Variants in FUT9 observed in about 807,000 individuals in gnomAD.
FUT9 encodes fucosyltransferase 9, also known as 4-galactosyl-N-acetylglucosaminide 3-alpha-L-fucosyltransferase 9.
In FUT9, 15 loss-of-function variants were observed where a neutral mutation model predicts 29.7. The observed-to-expected ratio is 0.51, with a 90% CI of 0.34 to 0.78. The LOEUF (loss-of-function observed/expected upper bound fraction) is 0.78. Among genes scored for constraint, FUT9 ranks in the 30% least tolerant of loss-of-function variants. The probability of loss-of-function intolerance (pLI) is 0.01; values close to 1 mark genes in which losing one functional copy is unlikely to be tolerated. For missense variants in FUT9, 319 were observed against 425.4 expected (o/e 0.75, Z 2.20); for synonymous variants, 169 against 153.7 (o/e 1.10, Z -0.74).
At chr6:96,106,025 C>A (rs1340382516) in intron 1 of FUT9, among the ~76,000 whole-genome samples, 3 of 152,082 alleles carry the variant, frequency 2.0e-5, no homozygotes, top group Non-Finnish European at 4.4e-5. Flanking sequence ...ATTGGGATAA[C>A]CTGTTCAATG....
rs1386441901 is a variant in FUT9, at chr6:96,214,527, T to C, written c.*10292T>C. The C allele has an allele frequency of 6.0e-6, 1 of 166,932 alleles. No homozygotes were observed. Among genetic ancestry groups the C allele is most frequent in the Non-Finnish European group, 1.5e-5 (1 of 68,060 alleles). The allele number at this position is 166,932 out of a possible 1,614,324, so 10.3% of individuals were successfully genotyped here. ...CTGCAGAGGAGCCTTTACATGCAGA[T>C]AATTTGAAGCAGTCTTTGAAAATAA... is the stretch of plus-strand genomic sequence containing the variant. On this transcript the variant is annotated 3_prime_UTR_variant, in exon 3 of 3. Coordinates refer to ENST00000302103, the MANE Select transcript of FUT9 (RefSeq NM_006581.4).
At chr6:96,191,251 G>T (rs1361660469) in intron 2 of FUT9, among the ~76,000 whole-genome samples, 5 of 152,200 alleles carry the variant, frequency 3.3e-5, no homozygotes, top group Non-Finnish European at 1.5e-5. Flanking sequence ...GAAGGAAATA[G>T]AGACACAAAA....
chr6:96,150,813 T>G (rs1772662204), intron 2 of FUT9, among the ~76,000 whole-genome samples: 1 of 152,162 alleles, frequency 6.6e-6, no homozygotes, highest in Non-Finnish European at 1.5e-5. Flanking sequence ...GCTGACCTGA[T>G]AGGAATAATT....
At chr6:96,099,075 G>A (rs1215127109) in intron 1 of FUT9, among the ~76,000 whole-genome samples, 2 of 152,106 alleles carry the variant, frequency 1.3e-5, no homozygotes, top group South Asian at 2.1e-4. Context: ...ATGTGTAATA[G>A]TTAATAAATA....
chr6:96,156,300 C>T (rs1377082581), intron 2 of FUT9, among the ~76,000 whole-genome samples: 1 of 152,086 alleles, frequency 6.6e-6, no homozygotes, highest in Non-Finnish European at 1.5e-5. Context: ...CCCTTGGAGC[C>T]TTTGGTTCAT....
At chr6:96,135,789 G>A (rs549402563) in intron 2 of FUT9, among the ~76,000 whole-genome samples, 2 of 151,682 alleles carry the variant, frequency 1.3e-5, no homozygotes, top group Middle Eastern at 3.4e-3. Context: ...ATTTGATAAA[G>A]GTTAGATCTT....
intron 2 of FUT9, among the ~76,000 whole-genome samples, chr6:96,201,032 C>G (rs1040325431): frequency 6.6e-6 from 1 of 151,386 alleles, no homozygotes; most frequent in Non-Finnish European, 1.5e-5. Context: ...TATAATTGAC[C>G]TCATGAGCTA....
chr6:96,185,508 G>T (rs911260455), intron 2 of FUT9, among the ~76,000 whole-genome samples: 4 of 152,028 alleles, frequency 2.6e-5, no homozygotes, highest in Non-Finnish European at 5.9e-5. Context: ...GAAGATGGAG[G>T]TTCTTTAATA....
intron 2 of FUT9, among the ~76,000 whole-genome samples, chr6:96,200,768 A>G (rs944169993): frequency 6.6e-6 from 1 of 152,150 alleles, no homozygotes; most frequent in Non-Finnish European, 1.5e-5. Context: ...TGTTTTTCCA[A>G]TGAAAAGAGA....
intron 1 of FUT9, among the ~76,000 whole-genome samples, chr6:96,102,039 CA>C (rs1771595295): frequency 6.6e-6 from 1 of 152,046 alleles, no homozygotes; most frequent in Non-Finnish European, 1.5e-5. Flanking sequence ...TGTAAAGTCT[CA>C]AAAAATAATC....
At chr6:96,165,799 C>A (rs553351268) in intron 2 of FUT9, among the ~76,000 whole-genome samples, 2 of 151,814 alleles carry the variant, frequency 1.3e-5, no homozygotes, top group Non-Finnish European at 2.9e-5. Flanking sequence ...TATTTTTAGT[C>A]GAGACGGAGT....
chr6:96,138,216 A>G (rs747824591), intron 2 of FUT9, among the ~76,000 whole-genome samples: 9 of 152,302 alleles, frequency 5.9e-5, no homozygotes, highest in Middle Eastern at 3.4e-3. Flanking sequence ...TGGGTTTTCT[A>G]TATCTTTGGA....
intron 2 of FUT9, among the ~76,000 whole-genome samples, chr6:96,151,937 G>C (rs5026339): frequency 0.93 from 142,186 of 152,222 alleles, 67,201 homozygotes; most frequent in East Asian, 1. Flanking sequence ...GAAATACCAG[G>C]AAGGACATTA....
intron 2 of FUT9, among the ~76,000 whole-genome samples, chr6:96,127,473 G>T (rs1051815928): frequency 1.8e-4 from 27 of 151,994 alleles, no homozygotes; most frequent in African/African-American, 6.5e-4. Flanking sequence ...CGTGTCTTTG[G>T]TATTGTGAAT....
chr6:96,167,972 A>G (rs909791028), intron 2 of FUT9, among the ~76,000 whole-genome samples: 6 of 152,168 alleles, frequency 3.9e-5, no homozygotes, highest in African/African-American at 1.4e-4. Flanking sequence ...TTGAAGATAG[A>G]GCCAACTGTA....
At position 96,178,643 on chromosome 6, in the gene FUT9, A is replaced by T. The variant is rs551847892; in HGVS notation, c.-8-24505A>T. Among the ~76,000 whole-genome samples, 21 of 152,294 alleles carry T rather than the reference A, an allele frequency of 1.4e-4. No homozygotes were observed. The South Asian group carries it at 4.4e-3, about 32-fold the overall frequency. On this transcript the variant is annotated intron_variant, in intron 2 of 2. Transcript: ENST00000302103. ...CACCTCACAATTATTAGTTAAAGAG[A>T]AACCAGCTCTAGGCTTTGAATAATC...
intron 2 of FUT9, among the ~76,000 whole-genome samples, chr6:96,115,494 A>G (rs1423423892): frequency 6.6e-6 from 1 of 152,242 alleles, no homozygotes; most frequent in African/African-American, 2.4e-5. Flanking sequence ...AAATTGTCCT[A>G]CAAACATTTA....
At chr6:96,160,668 A>G (rs1239955445) in intron 2 of FUT9, among the ~76,000 whole-genome samples, 1 of 152,178 alleles carries the variant, frequency 6.6e-6, no homozygotes, top group Non-Finnish European at 1.5e-5. Context: ...GATATTGATG[A>G]CTTTCACAAA....
chr6:96,060,390 GA>G (rs1770852088), intron 1 of FUT9, among the ~76,000 whole-genome samples: 1 of 152,030 alleles, frequency 6.6e-6, no homozygotes, highest in Non-Finnish European at 1.5e-5. Context: ...ATTAAATACA[GA>G]ACAATTATTT....
Sources: gnomAD v4.1 joint callset for allele counts (sites outside exome capture counted in the v4.1 genomes callset) on GRCh38, gnomAD v4.1.1 for gene constraint, MANE v1.5 for transcripts, NCBI Gene and HGNC (gene_info 2026-07-23, HGNC 2026-07-21) for gene names.